The following FBXO9 variants were observed in gnomAD, a reference collection of about 807,000 sequenced individuals.
FBXO9 encodes F-box protein 9.
A neutral mutation model predicts 63.7 loss-of-function variants in FBXO9; 43 were observed. That is an observed-to-expected ratio of 0.67 (90% CI 0.53 to 0.87). FBXO9 has a LOEUF of 0.87. Ranked by LOEUF, FBXO9 falls within the 40% of genes least tolerant of loss-of-function variation. The pLI is 0.00. For missense variants in FBXO9, 442 were observed against 533.2 expected (o/e 0.83, Z 1.68); for synonymous variants, 156 against 171.7 (o/e 0.91, Z 0.72).
chr6:53,066,378 G>C (rs2127485315), intron 1 of FBXO9, among the ~76,000 whole-genome samples: 1 of 152,326 alleles, frequency 6.6e-6, no homozygotes, highest in Admixed American at 6.5e-5. Flanking sequence ...CGTCGGTGCC[G>C]TCCAAATGAG....
chr6:53,082,110 T>C (rs1374193234), intron 6 of FBXO9, among the ~76,000 whole-genome samples: 3 of 152,140 alleles, frequency 2.0e-5, no homozygotes, highest in African/African-American at 7.2e-5. Context: ...TGTTAAATAT[T>C]GTTTGGTTCG....
intron 9 of FBXO9, 122 bp from the exon 10 acceptor site, chr6:53,093,344 T>C: frequency 1.7e-6 from 1 of 587,776 alleles, no homozygotes. Context: ...AGCAGTTCTT[T>C]AGCCCGTGGT....
chr6:53,093,843 C>A, intron 10 of FBXO9, 42 bp from the exon 11 acceptor site: 1 of 1,420,436 alleles, frequency 7.0e-7, no homozygotes, highest in Admixed American at 2.3e-5. Flanking sequence ...CTTAAATCCA[C>A]TTAATAACTG....
intron 1 of FBXO9, among the ~76,000 whole-genome samples, chr6:53,069,746 CTT>C (rs1768842261): frequency 6.6e-6 from 1 of 152,048 alleles, no homozygotes; most frequent in Non-Finnish European, 1.5e-5. Flanking sequence ...ACAATGTGGA[CTT>C]TATTTGAATC....
chr6:53,072,680 C>T (rs2127488417), intron 2 of FBXO9, among the ~76,000 whole-genome samples: 1 of 152,210 alleles, frequency 6.6e-6, no homozygotes, highest in Admixed American at 6.5e-5. Flanking sequence ...CTGGGCAACA[C>T]ACCAGAGTCT....
In FBXO9 at chr6:53,098,393, T is replaced by A. The variant is rs188209949; in HGVS notation, c.*563T>A. The A allele has an allele frequency of 5.1e-4, 82 of 161,992 alleles. No homozygotes were observed. Among genetic ancestry groups the A allele is most frequent in the Non-Finnish European group, 1.0e-3 (73 of 72,450 alleles). 10.0% of individuals were successfully genotyped at this position (161,992 alleles called of 1,614,324 possible). A position where few individuals can be genotyped will look rare whatever the true frequency, so the allele number is the denominator to read the frequency against. Reference sequence around the variant, plus strand: ...AGAAAATATATTTGGATGGCCTTTTTAAAGTAACAGGATATTTAATAAGAG... The same window carrying A: ...AGAAAATATATTTGGATGGCCTTTTAAAAGTAACAGGATATTTAATAAGAG... On this transcript the variant is annotated 3_prime_UTR_variant, in exon 13 of 13. Transcript: ENST00000323557.
rs140410702 is a variant in FBXO9 at position 53,097,566 on chromosome 6, C to T, written c.1206-156C>T. ...TTTCTGTATACATTTCTAAATTTTT[C>T]GAGTTTTCTACAATATGCCTATATT... On this transcript the variant is annotated intron_variant, in intron 12 of 12. Coordinates refer to ENST00000323557, the MANE Select transcript of FBXO9 (RefSeq NM_033480.3). Among the ~76,000 whole-genome samples, 401 of 152,040 alleles carry T rather than the reference C, an allele frequency of 2.6e-3. 2 individuals are homozygous for T. The highest frequency in any genetic ancestry group is 6.9e-3 in the African/African-American group (286 of 41,446).
At chr6:53,091,129 T>C (rs1374759859) in intron 7 of FBXO9, 1 of 152,204 alleles carries the variant, frequency 6.6e-6, no homozygotes, top group East Asian at 1.9e-4. Context: ...GCCACCAGGT[T>C]ACCCAGGGAG....
chr6:53,075,539 C>A (rs986502130), intron 3 of FBXO9, among the ~76,000 whole-genome samples: 1 of 150,270 alleles, frequency 6.7e-6, no homozygotes, highest in African/African-American at 2.4e-5. Context: ...AGCCACTGCA[C>A]CTGGCCTTTA....
chr6:53,078,689 A>G lies in FBXO9; in HGVS notation c.308-110A>G, dbSNP rs1273220035. The G allele has an allele frequency of 5.5e-6, 4 of 727,470 alleles. No homozygotes were observed. The African/African-American group carries it at 7.1e-5, about 13-fold the overall frequency. 45.1% of individuals were successfully genotyped at this position (727,470 alleles called of 1,614,324 possible). On this transcript the variant is annotated intron_variant, in intron 4 of 12. Transcript: ENST00000323557. The stretch of plus-strand genomic sequence containing the variant: ...CTGCTGTTGCATGTAGAAAAACAGA[A>G]TTTGGCCGTTTGTAAAGAAAGTTAC...
chr6:53,068,847 G>C (rs1480423242), intron 1 of FBXO9, among the ~76,000 whole-genome samples: 1 of 151,936 alleles, frequency 6.6e-6, no homozygotes, highest in Non-Finnish European at 1.5e-5. Flanking sequence ...ACGGGGTCTT[G>C]CCATGTTGCC....
rs761159029 is a variant in FBXO9, at chr6:53,075,734, A to ATTTTTTTTTT, written c.250-750_250-749insTTTTTTTTTT. Among the ~76,000 whole-genome samples, 29 of 82,172 alleles carry ATTTTTTTTTT rather than the reference A, an allele frequency of 3.5e-4. 3 individuals carry two copies. Among genetic ancestry groups the ATTTTTTTTTT allele is most frequent in the African/African-American group, 5.7e-4 (11 of 19,322 alleles). The allele number at this position is 82,172 out of a possible 152,430, so 53.9% of individuals were successfully genotyped here. A position where few individuals can be genotyped will look rare whatever the true frequency, so the allele number is the denominator to read the frequency against. On this transcript the variant is annotated intron_variant, in intron 3 of 12. Coordinates refer to ENST00000323557, the MANE Select transcript of FBXO9 (RefSeq NM_033480.3). ...TAATTGGATTACATATATATATATA[A>ATTTTTTTTTT]TTATTTTTTTTTTTTTTTTTTTTTT...
chr6:53,078,047 A>G lies in FBXO9; in HGVS notation c.308-752A>G, dbSNP rs1769179633. Among the ~76,000 whole-genome samples, 3 of 152,366 alleles carry G rather than the reference A, an allele frequency of 2.0e-5. No individual in the cohort carries two copies. The South Asian group carries it at 6.2e-4, about 32-fold the overall frequency. Reference sequence around the variant, plus strand: ...AGGTAAATAAGAGGCAGCTGGGCTAAAAGAAGTTAAATTTAAAGGATAATT... The same window carrying G: ...AGGTAAATAAGAGGCAGCTGGGCTAGAAGAAGTTAAATTTAAAGGATAATT... On this transcript the variant is annotated intron_variant, in intron 4 of 12. Transcript: ENST00000323557.
chr6:53,089,008 G>A (rs1369037113), intron 7 of FBXO9, among the ~76,000 whole-genome samples: 2 of 149,810 alleles, frequency 1.3e-5, no homozygotes, highest in African/African-American at 4.9e-5. Context: ...TGCAAGCTCC[G>A]CCTCTGGGTT....
In FBXO9 at chr6:53,097,775, C is replaced by T; in HGVS notation, c.1259C>T (p.Pro420Leu). ...SAFEIDKMYT[P>L]LFFARVRSYT... ...TTTGAGATTGACAAGATGTACACCC[C>T]CTTGTTCTTCGCCAGAGTAAGGAGC... The change falls in exon 13 of 13, where the codon CCC becomes CTC. Residue 420 changes from proline (P) to leucine (L), a missense_variant. Physicochemically the swap from Pro to Leu is moderately conservative, Grantham distance 98. Coordinates refer to ENST00000323557, the MANE Select transcript of FBXO9 (RefSeq NM_033480.3). 6.2e-7 allele frequency: 1 copy of T among 1,608,986 alleles called. No individual in the cohort carries two copies.
At chr6:53,072,220 T>TA (rs201606572) in intron 2 of FBXO9, among the ~76,000 whole-genome samples, 12,318 of 150,674 alleles carry the variant, frequency 0.082, 516 homozygotes, top group Middle Eastern at 0.14. Context: ...CGTCTTTTTT[T>TA]AAAAAAAAAA....
At chr6:53,085,308 T>C (rs914655614) in intron 7 of FBXO9, among the ~76,000 whole-genome samples, 2 of 152,208 alleles carry the variant, frequency 1.3e-5, no homozygotes, top group Non-Finnish European at 2.9e-5. Context: ...GATCTTAAAG[T>C]TAGCAAAAAT....
chr6:53,094,505 T>A (rs527924075), intron 11 of FBXO9, among the ~76,000 whole-genome samples: 2 of 152,378 alleles, frequency 1.3e-5, no homozygotes, highest in Non-Finnish European at 2.9e-5. Flanking sequence ...GGTAGCCTAA[T>A]TTTTTCACCT....
chr6:53,073,671 T>G, intron 3 of FBXO9, 32 bp downstream of exon 3: 1 of 4,252 alleles, frequency 2.4e-4, no homozygotes, highest in African/African-American at 2.7e-3. Context: ...ACAAATTACA[T>G]TTTTTTTTTT....
Sources: gnomAD v4.1 joint callset for allele counts (sites outside exome capture counted in the v4.1 genomes callset) on GRCh38, gnomAD v4.1.1 for gene constraint, MANE v1.5 for transcripts, NCBI Gene and HGNC (gene_info 2026-07-23, HGNC 2026-07-21) for gene names.